Variants in TSC22D1 observed in about 807,000 individuals in gnomAD.
TSC22D1 encodes the protein TSC22 domain family member 1.
TSC22D1 carries 9 observed loss-of-function variants against 74.2 expected under a neutral mutation model. The observed-to-expected ratio is 0.12, with a 90% CI of 0.07 to 0.21. The LOEUF (loss-of-function observed/expected upper bound fraction) is 0.21, where lower values mean the gene tolerates loss of function less well. Ranked by LOEUF, TSC22D1 falls within the 10% of genes least tolerant of loss-of-function variation. The pLI, the probability that TSC22D1 is intolerant of heterozygous loss-of-function variation, is 1.00. For missense variants in TSC22D1, 1,427 were observed against 1,304.7 expected (o/e 1.09, Z -1.44); for synonymous variants, 586 against 492.5 (o/e 1.19, Z -2.51).
In TSC22D1 at chr13:44,576,088, G is replaced by A. The variant is rs747765640; in HGVS notation, c.-14C>T. ...CGGCTGGTGCATTGTGTTGGGTACCGGGGGCGCGGAGGAGACGAGTGCAAT... is the reference window on the plus strand; with the variant it reads ...CGGCTGGTGCATTGTGTTGGGTACCAGGGGCGCGGAGGAGACGAGTGCAAT... On this transcript the variant is annotated 5_prime_UTR_variant, in exon 1 of 3. Coordinates refer to ENST00000458659, the MANE Select transcript of TSC22D1 (RefSeq NM_183422.4). 23 of 1,517,306 alleles carry A rather than the reference G, an allele frequency of 1.5e-5. No individual in the cohort carries two copies. The highest frequency in any genetic ancestry group is 1.2e-4 in the East Asian group (5 of 42,202). 94.0% of individuals were successfully genotyped at this position (1,517,306 alleles called of 1,614,324 possible).
At chr13:44,473,202 A>G (rs1877704710) in intron 1 of TSC22D1, among the ~76,000 whole-genome samples, 1 of 152,238 alleles carries the variant, frequency 6.6e-6, no homozygotes, top group Admixed American at 6.5e-5. Context: ...ATTTAAAACT[A>G]TACAACTGGA....
chr13:44,512,653 C>T (rs1401792368), intron 1 of TSC22D1, among the ~76,000 whole-genome samples: 1 of 120,132 alleles, frequency 8.3e-6, no homozygotes, highest in Non-Finnish European at 2.0e-5. Context: ...TTAGTAAAAG[C>T]AATCTTTTTT....
At chr13:44,557,193 T>A (rs576722623) in intron 1 of TSC22D1, among the ~76,000 whole-genome samples, 1 of 150,300 alleles carries the variant, frequency 6.7e-6, no homozygotes, top group African/African-American at 2.4e-5. Flanking sequence ...CCGGGCGCAG[T>A]GGCACACACC....
intron 1 of TSC22D1, among the ~76,000 whole-genome samples, chr13:44,533,465 A>C (rs991530081): frequency 6.7e-6 from 1 of 148,228 alleles, no homozygotes; most frequent in Non-Finnish European, 1.5e-5. Flanking sequence ...ATCAAATAAA[A>C]TTAAAAAAAA....
chr13:44,559,561 G>A (rs1181984881), intron 1 of TSC22D1, among the ~76,000 whole-genome samples: 1 of 151,998 alleles, frequency 6.6e-6, no homozygotes, highest in Non-Finnish European at 1.5e-5. Flanking sequence ...GTCTCACTTG[G>A]TCACCCAGTC....
rs1233969793 is a variant in TSC22D1, at chr13:44,574,151, G to A, written c.1924C>T (p.Pro642Ser). Residue 642 changes from proline (P) to serine (S), a missense_variant, in exon 1 of 3, where the codon CCA (proline) becomes TCA (serine). Physicochemically the swap from Pro to Ser is moderately conservative, Grantham distance 74. Transcript: ENST00000458659. Reference protein sequence around the residue: ...QQPMVSTQMAPGHVKSVTQNP... With the variant: ...QQPMVSTQMASGHVKSVTQNP... ...TGAGTCACTGATTTGACATGGCCTG[G>A]GGCCATCTGTGTAGAAACCATTGGT... 6.2e-7 allele frequency: 1 copy of A among 1,614,202 alleles called. No individual in the cohort carries two copies. Among genetic ancestry groups the A allele is most frequent in the South Asian group, 1.1e-5 (1 of 91,084 alleles).
rs1242043153 is a variant in TSC22D1 at position 44,432,504 on chromosome 13, A to C, written c.*2122T>G. On this transcript the variant is annotated 3_prime_UTR_variant, in exon 3 of 3. Transcript: ENST00000458659. ...CTTTACGTCCTTTTCAAATTCCCCCAAAATATCTTTATGACAACTGCTATC... is the reference window on the plus strand; with the variant it reads ...CTTTACGTCCTTTTCAAATTCCCCCCAAATATCTTTATGACAACTGCTATC... 2.0e-5 allele frequency: 3 copies of C among 152,210 alleles called. No individual in the cohort carries two copies. Among genetic ancestry groups the C allele is most frequent in the Non-Finnish European group, 4.4e-5 (3 of 68,030 alleles). The allele number at this position is 152,210 out of a possible 1,614,324, so 9.4% of individuals were successfully genotyped here.
chr13:44,483,241 AT>A (rs1433024200), intron 1 of TSC22D1, among the ~76,000 whole-genome samples: 1 of 152,242 alleles, frequency 6.6e-6, no homozygotes, highest in Non-Finnish European at 1.5e-5. Flanking sequence ...CCCAGTCTTT[AT>A]AACAATTATC....
chr13:44,435,244 G>A (rs1874461673), intron 2 of TSC22D1: 1 of 177,446 alleles, frequency 5.6e-6, no homozygotes, highest in Non-Finnish European at 1.1e-5. Flanking sequence ...GCCCCGCCCC[G>A]CGCTCGCCCG....
Position 44,576,047 on chromosome 13 carries a change from C to T in TSC22D1, c.28G>A (p.Ala10Thr). 6.4e-7 allele frequency: 1 copy of T among 1,569,146 alleles called. No individual in the cohort carries two copies. Among genetic ancestry groups the T allele is most frequent in the South Asian group, 1.2e-5 (1 of 86,090 alleles). The change falls in exon 1 of 3, where the codon GCG (alanine) becomes ACG (threonine). Residue 10 changes from alanine to threonine, a missense_variant. Physicochemically the swap from Ala to Thr is moderately conservative, Grantham distance 58. Around this residue, in one of 3 missense-constraint regions of TSC22D1, gnomAD observed 1,343 missense variants for 1,191.5 expected, o/e 1.13. Transcript: ENST00000458659. MHQPPESTA[A>T]AAAAADISAR... ...CTAATGTCTGCAGCGGCGGCGGCCG[C>T]GGCGGTGGACTCAGGCGGCTGGTGC...
chr13:44,546,486 A>C (rs1247346614), intron 1 of TSC22D1, among the ~76,000 whole-genome samples: 1 of 152,220 alleles, frequency 6.6e-6, no homozygotes, highest in African/African-American at 2.4e-5. Flanking sequence ...AGTATTCTTC[A>C]AAAGTGTCAA....
Position 44,574,981 on chromosome 13 carries a change from C to T in TSC22D1, c.1094G>A (p.Ser365Asn), listed in dbSNP as rs1193940839. The T allele has an allele frequency of 3.1e-6, 5 of 1,614,012 alleles. No homozygotes were observed. The East Asian group carries it at 8.9e-5, about 29-fold the overall frequency. ...VTSGVNVNIL[S>N]GMGNGTISSS... ...AGAAATAGTACCATTGCCCATGCCA[C>T]TCAAGATATTCACATTAACACCACT... The change falls in exon 1 of 3, where the codon AGT becomes AAT. Residue 365 changes from serine to asparagine, a missense_variant. By Grantham distance (46) the Ser-to-Asn change is conservative. Coordinates refer to ENST00000458659, the MANE Select transcript of TSC22D1 (RefSeq NM_183422.4).
chr13:44,576,141 G>C lies in TSC22D1; in HGVS notation c.-67C>G, dbSNP rs184066486. On this transcript the variant is annotated 5_prime_UTR_variant, in exon 1 of 3. Coordinates refer to ENST00000458659, the MANE Select transcript of TSC22D1 (RefSeq NM_183422.4). ...CCTTCTGCACCGTAATCTTTGTATT[G>C]GAGACGCCGGAGAGGAAAACGGGAC... is the stretch of plus-strand genomic sequence containing the variant. 1,109 of 1,416,742 alleles carry C rather than the reference G, an allele frequency of 7.8e-4. 11 individuals carry two copies. The African/African-American group carries it at 0.014, about 18-fold the overall frequency. The allele number at this position is 1,416,742 out of a possible 1,614,324, so 87.8% of individuals were successfully genotyped here.
chr13:44,468,146 C>T (rs1877401357), intron 1 of TSC22D1, among the ~76,000 whole-genome samples: 1 of 152,114 alleles, frequency 6.6e-6, no homozygotes, highest in Admixed American at 6.6e-5. Flanking sequence ...ACCAAATGTT[C>T]TCACCTATAA....
chr13:44,572,641 G>A (rs1883847819), intron 1 of TSC22D1, among the ~76,000 whole-genome samples: 1 of 152,148 alleles, frequency 6.6e-6, no homozygotes, highest in Admixed American at 6.5e-5. Flanking sequence ...TGGAGTATGA[G>A]GGCAACCTAT....
At position 44,442,596 on chromosome 13, in the gene TSC22D1, A is replaced by G. The variant is rs1302398577; in HGVS notation, c.2913-6501T>C. 3.9e-5 allele frequency among the ~76,000 whole-genome samples: 6 copies of G among 152,202 alleles called. No individual in the cohort carries two copies. The East Asian group carries it at 9.6e-4, about 24-fold the overall frequency. ...ATATGAGCAATAGAAACTATCCAAA[A>G]TAAAACACAGAAGAAACGTTGAATA... On this transcript the variant is annotated intron_variant, in intron 1 of 2. Transcript: ENST00000458659.
chr13:44,456,851 A>T (rs1185876139), intron 1 of TSC22D1, among the ~76,000 whole-genome samples: 1 of 152,232 alleles, frequency 6.6e-6, no homozygotes, highest in Non-Finnish European at 1.5e-5. Context: ...AAAGGTTAAT[A>T]CAGGAAAGAA....
At chr13:44,568,306 A>T (rs1883513941) in intron 1 of TSC22D1, among the ~76,000 whole-genome samples, 3 of 152,194 alleles carry the variant, frequency 2.0e-5, no homozygotes, top group African/African-American at 7.2e-5. Flanking sequence ...GGGATATAAC[A>T]CTTCCTGAGA....
intron 1 of TSC22D1, among the ~76,000 whole-genome samples, chr13:44,502,014 C>A (rs1879243095): frequency 6.6e-6 from 1 of 152,170 alleles, no homozygotes; most frequent in African/African-American, 2.4e-5. Flanking sequence ...CTACATGGTT[C>A]ATTTCCATTC....
Sources: allele counts gnomAD v4.1 joint callset (sites outside exome capture counted in the v4.1 genomes callset), GRCh38; gene constraint gnomAD v4.1.1; regional missense constraint gnomAD v4.1.1; transcripts MANE v1.5; gene names NCBI Gene and HGNC (gene_info 2026-07-23, HGNC 2026-07-21).